Variants in PRMT8 observed in about 807,000 individuals in gnomAD.
PRMT8 encodes protein arginine methyltransferase 8.
In PRMT8, 7 loss-of-function variants were observed where a neutral mutation model predicts 47.1. That is an observed-to-expected ratio of 0.15 (90% CI 0.08 to 0.28). The LOEUF (loss-of-function observed/expected upper bound fraction) is 0.28. Ranked by LOEUF, PRMT8 falls within the 10% of genes least tolerant of loss-of-function variation. The pLI is 1.00. For synonymous variants in PRMT8, 188 were observed against 186.5 expected, an observed-to-expected ratio of 1.01 and a Z score of -0.07; for missense variants, 237 against 505.4, an observed-to-expected ratio of 0.47 and a Z score of 5.09.
intron 1 of PRMT8, among the ~76,000 whole-genome samples, chr12:3,506,962 C>T (rs1200720538): frequency 1.3e-5 from 2 of 152,090 alleles, no homozygotes; most frequent in Non-Finnish European, 2.9e-5. Context: ...CTAAATCCTG[C>T]AGAATATAAG....
At chr12:3,470,510 T>C (rs1259782078) in intron 1 of PRMT8, among the ~76,000 whole-genome samples, 1 of 152,114 alleles carries the variant, frequency 6.6e-6, no homozygotes, top group Non-Finnish European at 1.5e-5. Context: ...GGGAGGTCTG[T>C]GAGCTCCGTC....
intron 7 of PRMT8, among the ~76,000 whole-genome samples, chr12:3,582,328 A>G (rs17769906): frequency 0.13 from 19,446 of 152,220 alleles, 1,447 homozygotes; most frequent in Middle Eastern, 0.28. Flanking sequence ...TTAGTTCTTC[A>G]TGTTCCACGT....
intron 1 of PRMT8, among the ~76,000 whole-genome samples, chr12:3,396,351 C>T (rs557019958): frequency 9.2e-5 from 14 of 152,162 alleles, no homozygotes; most frequent in Middle Eastern, 3.4e-3. Context: ...CGGCTGGTAC[C>T]GGTTGTTCCT....
intron 1 of PRMT8, among the ~76,000 whole-genome samples, chr12:3,521,237 A>G (rs566511275): frequency 2.0e-5 from 3 of 152,314 alleles, no homozygotes; most frequent in Admixed American, 1.3e-4. Flanking sequence ...TGCATAAGGG[A>G]AGTCACTGGG....
At chr12:3,473,874 G>A (rs780090271) in intron 1 of PRMT8, among the ~76,000 whole-genome samples, 1 of 152,032 alleles carries the variant, frequency 6.6e-6, no homozygotes, top group African/African-American at 2.4e-5. Flanking sequence ...CCTTCAGGCC[G>A]ACACCCCATC....
At chr12:3,404,776 C>T (rs901923240) in intron 1 of PRMT8, among the ~76,000 whole-genome samples, 4 of 152,086 alleles carry the variant, frequency 2.6e-5, no homozygotes, top group African/African-American at 7.2e-5. Flanking sequence ...TTTCTTGTTT[C>T]TCCTTTTAAT....
At chr12:3,457,175 G>T (rs1383120429) in intron 1 of PRMT8, among the ~76,000 whole-genome samples, 1 of 152,200 alleles carries the variant, frequency 6.6e-6, no homozygotes, top group Non-Finnish European at 1.5e-5. Context: ...GGCAGGCTTG[G>T]TGTCCCTGAG....
At chr12:3,494,281 T>C (rs1865470767) in intron 1 of PRMT8, among the ~76,000 whole-genome samples, 1 of 152,214 alleles carries the variant, frequency 6.6e-6, no homozygotes, top group Admixed American at 6.5e-5. Flanking sequence ...ACAACTATGA[T>C]GGATAATCCT....
At chr12:3,430,571 A>G (rs1461842674) in intron 1 of PRMT8, among the ~76,000 whole-genome samples, 1 of 152,130 alleles carries the variant, frequency 6.6e-6, no homozygotes, top group Non-Finnish European at 1.5e-5. Flanking sequence ...GTAGCTACCA[A>G]ATAAACCTTA....
At chr12:3,463,573 T>A (rs956364475) in intron 1 of PRMT8, 1 of 152,230 alleles carries the variant, frequency 6.6e-6, no homozygotes, top group Non-Finnish European at 1.5e-5. Flanking sequence ...TAGAAAGATT[T>A]ACACCCATCT....
At chr12:3,584,608 G>A (rs1315671122) in intron 8 of PRMT8, among the ~76,000 whole-genome samples, 1 of 152,108 alleles carries the variant, frequency 6.6e-6, no homozygotes, top group African/African-American at 2.4e-5. Flanking sequence ...GTCAAAGAAA[G>A]CATTCTCACC....
chr12:3,471,519 G>A (rs1865162197), intron 1 of PRMT8, among the ~76,000 whole-genome samples: 1 of 151,746 alleles, frequency 6.6e-6, no homozygotes, highest in Non-Finnish European at 1.5e-5. Flanking sequence ...CCGAGGATCT[G>A]GTTGTCTCCC....
chr12:3,393,690 G>A (rs1321460457), intron 1 of PRMT8, among the ~76,000 whole-genome samples: 7 of 142,092 alleles, frequency 4.9e-5, no homozygotes, highest in Non-Finnish European at 9.2e-5. Context: ...TTGACTTGGC[G>A]ATGCGGGCTC....
intron 1 of PRMT8, among the ~76,000 whole-genome samples, chr12:3,477,520 G>A (rs998672246): frequency 6.6e-6 from 1 of 152,190 alleles, no homozygotes; most frequent in African/African-American, 2.4e-5. Context: ...TCTTATTGAC[G>A]TTGAGTTCTG....
chr12:3,569,495 T>C lies in PRMT8; in HGVS notation c.643T>C (p.Phe215Leu). ...DKWLKPGGLMFPDRAALYVVA... is the reference protein window; with the variant it reads ...DKWLKPGGLMLPDRAALYVVA... ...TCAACAGAAACCTGGAGGGCTTATG[T>C]TTCCAGACCGGGCAGCTTTGTACGT... The change falls in exon 6 of 10, where the codon TTT becomes CTT. Residue 215 changes from phenylalanine (F) to leucine (L), a missense_variant. This residue lies in a region of PRMT8 where 151 missense variants were observed against 341.1 expected (regional missense o/e 0.44). Coordinates refer to ENST00000382622, the MANE Select transcript of PRMT8 (RefSeq NM_019854.5). The surrounding 1 kb of genome is among the most constrained non-coding windows in gnomAD (Gnocchi z 8.2). 1 of 1,614,170 alleles carries C rather than the reference T, an allele frequency of 6.2e-7. No individual in the cohort carries two copies. The highest frequency in any genetic ancestry group is 8.5e-7 in the Non-Finnish European group (1 of 1,180,014).
rs77477082 is a variant in PRMT8 at position 3,436,620 on chromosome 12, G to A, written c.48+55178G>A. The stretch of plus-strand genomic sequence containing the variant: ...ACTGGGCTCCACTGTCCCCTTTTGC[G>A]TTGAGAAGTTTCAGCTGGGTGCATG... On this transcript the variant is annotated intron_variant, in intron 1 of 9. Coordinates refer to the PRMT8 transcript ENST00000452611. This position sits in a 1 kb window ranked among gnomAD's most constrained non-coding sequence, Gnocchi z 4.2. Among the ~76,000 whole-genome samples, 6 of 152,304 alleles carry A rather than the reference G, an allele frequency of 3.9e-5. No homozygotes were observed. Among genetic ancestry groups the A allele is most frequent in the Admixed American group, 2.0e-4 (3 of 15,302 alleles).
chr12:3,406,588 A>T (rs1864374815), intron 1 of PRMT8, among the ~76,000 whole-genome samples: 1 of 152,222 alleles, frequency 6.6e-6, no homozygotes, highest in Admixed American at 6.5e-5. Flanking sequence ...TCTCTAAGGC[A>T]GGGGCAAAAT....
chr12:3,431,299 CAG>C (rs34606620), intron 1 of PRMT8, among the ~76,000 whole-genome samples: 27 of 150,134 alleles, frequency 1.8e-4, no homozygotes, highest in Non-Finnish European at 2.4e-4. Context: ...AGAGTGGGCA[CAG>C]AGAGAGAGAG....
At chr12:3,406,862 A>G (rs1864377503) in intron 1 of PRMT8, among the ~76,000 whole-genome samples, 1 of 151,874 alleles carries the variant, frequency 6.6e-6, no homozygotes, top group African/African-American at 2.4e-5. Flanking sequence ...AGCTGTTCCA[A>G]CCTCTGCCTG....
Sources: allele counts gnomAD v4.1 joint callset (sites outside exome capture counted in the v4.1 genomes callset), GRCh38; gene constraint gnomAD v4.1.1; regional missense constraint gnomAD v4.1.1; non-coding constraint Gnocchi (gnomAD v3.1); transcripts MANE v1.5; gene names NCBI Gene and HGNC (gene_info 2026-07-23, HGNC 2026-07-21).